KCMF1: variants seen among roughly 807,000 people sequenced by gnomAD.
The protein encoded by KCMF1 is E3 ubiquitin-protein ligase KCMF1.
In KCMF1, 3 loss-of-function variants were observed where a neutral mutation model predicts 41.1. The observed-to-expected ratio is 0.07, with a 90% CI of 0.03 to 0.19. KCMF1 has a LOEUF of 0.19. KCMF1 is among the 10% of genes least tolerant of loss of function. The pLI is 1.00. For missense variants in KCMF1, 286 were observed against 488.9 expected (o/e 0.58, Z 3.91); for synonymous variants, 142 against 164.5 (o/e 0.86, Z 1.04).
chr2:84,998,490 C>T (rs1250020619), intron 1 of KCMF1, among the ~76,000 whole-genome samples: 1 of 152,156 alleles, frequency 6.6e-6, no homozygotes, highest in African/African-American at 2.4e-5. Context: ...CTGATAATTT[C>T]TAATTCTTTT....
At chr2:85,044,871 G>A (rs1457437413) in intron 4 of KCMF1, among the ~76,000 whole-genome samples, 1 of 152,166 alleles carries the variant, frequency 6.6e-6, no homozygotes, top group Non-Finnish European at 1.5e-5. Flanking sequence ...TTCTGGCAGT[G>A]TTCCCTGAGA....
chr2:85,043,234 A>G (rs539216897), intron 3 of KCMF1, among the ~76,000 whole-genome samples: 1 of 152,254 alleles, frequency 6.6e-6, no homozygotes, highest in South Asian at 2.1e-4. Flanking sequence ...TCAAGACTGG[A>G]CTTACACGTA....
At chr2:85,008,144 G>C (rs12621148) in intron 1 of KCMF1, among the ~76,000 whole-genome samples, 10,094 of 149,806 alleles carry the variant, frequency 0.067, 589 homozygotes, top group East Asian at 0.35. Flanking sequence ...CTCAGGGTGA[G>C]GTTCCTCTGA....
intron 1 of KCMF1, among the ~76,000 whole-genome samples, chr2:85,012,147 TC>T (rs983965195): frequency 6.6e-6 from 1 of 152,244 alleles, no homozygotes; most frequent in African/African-American, 2.4e-5. Flanking sequence ...TGATGCTTTT[TC>T]TTTTTCTTTT....
intron 3 of KCMF1, among the ~76,000 whole-genome samples, chr2:85,036,056 T>C (rs1312253208): frequency 6.6e-6 from 1 of 152,246 alleles, no homozygotes; most frequent in Admixed American, 6.5e-5. Context: ...AGAGTCCCTC[T>C]GGGTTCCAGA....
At chr2:84,998,958 CTA>C in intron 1 of KCMF1, among the ~76,000 whole-genome samples, 1 of 97,946 alleles carries the variant, frequency 1.0e-5, no homozygotes, top group Non-Finnish European at 2.0e-5. Flanking sequence ...ATCTATCTAT[CTA>C]TCTATCTGTC....
At chr2:84,985,306 CT>C (rs773407243) in intron 1 of KCMF1, among the ~76,000 whole-genome samples, 1 of 152,148 alleles carries the variant, frequency 6.6e-6, no homozygotes, top group Non-Finnish European at 1.5e-5. Flanking sequence ...GGAAGCCCTG[CT>C]TCTATAGAAA....
intron 6 of KCMF1, among the ~76,000 whole-genome samples, chr2:85,050,019 G>A (rs1675769430): frequency 3.3e-5 from 5 of 152,080 alleles, no homozygotes; most frequent in Admixed American, 1.3e-4. Context: ...GTGTGATGGT[G>A]CGCACCTGTA....
chr2:84,988,186 C>T (rs1000509649), intron 1 of KCMF1, among the ~76,000 whole-genome samples: 1 of 151,708 alleles, frequency 6.6e-6, no homozygotes, highest in South Asian at 2.1e-4. Flanking sequence ...GAGCCAAGAT[C>T]GCGCCATTGC....
intron 1 of KCMF1, among the ~76,000 whole-genome samples, chr2:85,007,738 GTAAT>G (rs897462646): frequency 1.4e-4 from 22 of 152,156 alleles, no homozygotes; most frequent in African/African-American, 5.3e-4. Context: ...GTATGTATGT[GTAAT>G]TAATTCTTGT....
chr2:85,035,553 T>C (rs144657098), intron 3 of KCMF1, among the ~76,000 whole-genome samples: 1 of 152,318 alleles, frequency 6.6e-6, no homozygotes, highest in East Asian at 1.9e-4. Flanking sequence ...TTTGGTAGTA[T>C]CATAATAATC....
At chr2:85,017,453 C>T (rs1674804453) in intron 1 of KCMF1, among the ~76,000 whole-genome samples, 1 of 152,092 alleles carries the variant, frequency 6.6e-6, no homozygotes, top group Non-Finnish European at 1.5e-5. Flanking sequence ...ATTATATAGC[C>T]TATATGATAC....
chr2:85,045,256 G>A (rs60433576), intron 4 of KCMF1, among the ~76,000 whole-genome samples: 22,315 of 150,972 alleles, frequency 0.15, 2,504 homozygotes, highest in East Asian at 0.34. Context: ...ATATATATAT[G>A]TATATATAAT....
chr2:85,021,005 G>A (rs544722519), intron 1 of KCMF1, among the ~76,000 whole-genome samples: 9 of 152,102 alleles, frequency 5.9e-5, no homozygotes, highest in Non-Finnish European at 1.3e-4. Flanking sequence ...GAGTAGCTGG[G>A]ACTACAGGCA....
Position 85,054,906 on chromosome 2 carries a change from G to A in KCMF1, c.*1497G>A, listed in dbSNP as rs960267665. 1 of 151,928 alleles carries A rather than the reference G, an allele frequency of 6.6e-6. No individual in the cohort carries two copies. Among genetic ancestry groups the A allele is most frequent in the African/African-American group, 2.4e-5 (1 of 41,350 alleles). The allele number at this position is 151,928 out of a possible 1,614,324, so 9.4% of individuals were successfully genotyped here. A position where few individuals can be genotyped will look rare whatever the true frequency, so the allele number is the denominator to read the frequency against. ...AGCATACAGACTTGAACACCCCTCC[G>A]GTGTTCTTCCGAGAACTGTGAAGTC... is the stretch of plus-strand genomic sequence containing the variant. On this transcript the variant is annotated 3_prime_UTR_variant, in exon 7 of 7. Coordinates refer to ENST00000409785, the MANE Select transcript of KCMF1 (RefSeq NM_020122.5).
rs1219648709 is a variant in KCMF1 at position 85,049,481 on chromosome 2, G to A, written c.717G>A (p.Gln239=). The A allele has an allele frequency of 6.2e-7, 1 of 1,614,036 alleles. No individual in the cohort carries two copies. Among genetic ancestry groups the A allele is most frequent in the South Asian group, 1.1e-5 (1 of 91,088 alleles). The change falls in exon 6 of 7, where the codon CAG becomes CAA. Residue 239 remains glutamine (Q), a synonymous_variant. Transcript: ENST00000409785. ...AGATGCAGCTGCAGCTAGAACGGCA[G>A]CATGCCCAGGCAGCACGGCAACAAC... ...QLQMQLQLER[Q]HAQAARQQLE...
At chr2:85,023,754 A>T (rs1675014157) in intron 1 of KCMF1, among the ~76,000 whole-genome samples, 1 of 152,190 alleles carries the variant, frequency 6.6e-6, no homozygotes, top group South Asian at 2.1e-4. Context: ...CATAGGAGGT[A>T]TATGTGTTTA....
chr2:85,001,760 C>G (rs1674334396), intron 1 of KCMF1, among the ~76,000 whole-genome samples: 1 of 152,164 alleles, frequency 6.6e-6, no homozygotes, highest in Admixed American at 6.6e-5. Flanking sequence ...GTTTGAAAAA[C>G]ACACGATCAC....
chr2:84,998,964 A>G (rs372365778), intron 1 of KCMF1, among the ~76,000 whole-genome samples: 15 of 77,620 alleles, frequency 1.9e-4, no homozygotes, highest in Middle Eastern at 5.7e-3. Flanking sequence ...CTATCTATCT[A>G]TCTGTCTGTC....
Sources: allele counts gnomAD v4.1 joint callset (sites outside exome capture counted in the v4.1 genomes callset), GRCh38; gene constraint gnomAD v4.1.1; transcripts MANE v1.5; gene names NCBI Gene and HGNC (gene_info 2026-07-23, HGNC 2026-07-21).